Variants in RMDN2 observed in about 807,000 individuals in gnomAD.
The protein encoded by RMDN2 is regulator of microtubule dynamics 2.
A neutral mutation model predicts 52.8 loss-of-function variants in RMDN2; 61 were observed. That is an observed-to-expected ratio of 1.16 (90% CI 0.94 to 1.43). RMDN2 has a LOEUF of 1.43. RMDN2 is among the 40% of genes most tolerant of loss of function. RMDN2 has a pLI of 0.00. For synonymous variants in RMDN2, 180 were observed against 153.1 expected (o/e 1.18, Z -1.30); for missense variants, 592 against 475.3 (o/e 1.25, Z -2.28).
intron 7 of RMDN2, among the ~76,000 whole-genome samples, chr2:37,995,108 G>A (rs1240280194): frequency 6.6e-6 from 1 of 152,074 alleles, no homozygotes; most frequent in Non-Finnish European, 1.5e-5. Flanking sequence ...TCGCTGAACT[G>A]TACACTTGTA....
intron 10 of RMDN2, among the ~76,000 whole-genome samples, chr2:38,063,197 A>T (rs2125310137): frequency 1.3e-5 from 2 of 152,350 alleles, no homozygotes; most frequent in East Asian, 1.9e-4. Flanking sequence ...CGCCACACTG[A>T]CTTCTACAAC....
At chr2:37,964,055 G>A (rs1225223898) in intron 2 of RMDN2, among the ~76,000 whole-genome samples, 15 of 150,672 alleles carry the variant, frequency 1.0e-4, no homozygotes, top group East Asian at 5.9e-4. Context: ...CCTCCCTCCC[G>A]GACGTGGCGG....
In RMDN2 at chr2:37,959,718, T is replaced by A. The variant is rs555179975; in HGVS notation, c.453-14322T>A. ...TTGTGAATTTGTTTGCTCTTGCTGC[T>A]CTAGTTCTTTTAATTGTGATGTTAG... On this transcript the variant is annotated intron_variant, in intron 2 of 10. Transcript: ENST00000354545. Among the ~76,000 whole-genome samples, 115 of 151,048 alleles carry A rather than the reference T, an allele frequency of 7.6e-4. 6 individuals carry two copies. The highest frequency in any genetic ancestry group is 2.7e-3 in the African/African-American group (107 of 40,330).
chr2:37,993,533 CAAT>C (rs1433331645), intron 7 of RMDN2, among the ~76,000 whole-genome samples: 1 of 150,254 alleles, frequency 6.7e-6, no homozygotes, highest in African/African-American at 2.5e-5. Flanking sequence ...AAAAAAATAA[CAAT>C]AAGGGGAACA....
At chr2:37,964,460 T>G (rs543320431) in intron 2 of RMDN2, among the ~76,000 whole-genome samples, 45 of 152,368 alleles carry the variant, frequency 3.0e-4, no homozygotes, top group African/African-American at 1.1e-3. Flanking sequence ...TAAAAGTATG[T>G]TTTTTAATTC....
intron 2 of RMDN2, 116 bp from the exon 3 acceptor site, chr2:37,973,924 G>A (rs549197139): frequency 1.3e-6 from 1 of 762,766 alleles, no homozygotes; most frequent in East Asian, 2.8e-5. Flanking sequence ...GAAAGCACGT[G>A]CCACTGCAGA....
In RMDN2 at chr2:38,032,621, C is replaced by T. The variant is rs112095665; in HGVS notation, c.1713+28405C>T. 2.6e-3 allele frequency among the ~76,000 whole-genome samples: 400 copies of T among 152,306 alleles called. 1 individual carries two copies. The highest frequency in any genetic ancestry group is 9.8e-3 in the East Asian group (51 of 5,188). On this transcript the variant is annotated intron_variant, in intron 10 of 10. Transcript: ENST00000234195. ...TTGGGAGGCCGAGGCAGGCGGATCA[C>T]CTGACATCAGGAGTTCAAGACCAGC...
chr2:37,989,404 G>A, intron 5 of RMDN2, 137 bp from the exon 6 acceptor site: 1 of 619,378 alleles, frequency 1.6e-6, no homozygotes, highest in Non-Finnish European at 2.9e-6. Context: ...TTATTGTTAG[G>A]GCCCTTATAT....
chr2:37,924,774 A>C (rs926209336), upstream of RMDN2, among the ~76,000 whole-genome samples: 4 of 152,234 alleles, frequency 2.6e-5, no homozygotes, highest in Non-Finnish European at 4.4e-5. Context: ...CTTTCATCTA[A>C]AGGCAACTCG....
At chr2:37,941,847 C>T (rs565998148) in intron 2 of RMDN2, among the ~76,000 whole-genome samples, 16 of 151,934 alleles carry the variant, frequency 1.1e-4, no homozygotes, top group African/African-American at 2.9e-4. Context: ...GGGTGGGATC[C>T]GCTGAGCTAG....
At chr2:37,940,196 G>T (rs1341567597) in intron 2 of RMDN2, among the ~76,000 whole-genome samples, 1 of 152,188 alleles carries the variant, frequency 6.6e-6, no homozygotes, top group Non-Finnish European at 1.5e-5. Flanking sequence ...CTTTAAGAAT[G>T]TTAAATATTT....
Position 37,967,885 on chromosome 2 carries a change from C to A in RMDN2, c.453-6155C>A, listed in dbSNP as rs147918802. Among the ~76,000 whole-genome samples the A allele has an allele frequency of 6.6e-4, 100 of 152,296 alleles. No homozygotes were observed. In the Middle Eastern group the frequency reaches 0.01, roughly 16 times the overall value. ...GACAACATTGATATGGTTCAATTCCCAGGACCCTCAGTTCTTTAGAGATGG... is the reference window on the plus strand; with the variant it reads ...GACAACATTGATATGGTTCAATTCCAAGGACCCTCAGTTCTTTAGAGATGG... On this transcript the variant is annotated intron_variant, in intron 2 of 10. Transcript: ENST00000354545.
At chr2:37,991,924 T>C (rs1274466637) in intron 7 of RMDN2, among the ~76,000 whole-genome samples, 1 of 152,224 alleles carries the variant, frequency 6.6e-6, no homozygotes, top group East Asian at 1.9e-4. Flanking sequence ...CTTAAGAATA[T>C]GTGAAAAAAA....
At chr2:38,055,985 C>G (rs1317175416) in intron 10 of RMDN2, among the ~76,000 whole-genome samples, 1 of 152,182 alleles carries the variant, frequency 6.6e-6, no homozygotes, top group Admixed American at 6.5e-5. Context: ...ACCTGCCACA[C>G]TCCCTCACCC....
chr2:38,037,339 T>C (rs1375888051), intron 10 of RMDN2, among the ~76,000 whole-genome samples: 1 of 152,212 alleles, frequency 6.6e-6, no homozygotes, highest in Non-Finnish European at 1.5e-5. Flanking sequence ...CTTTTCCAAG[T>C]TGCTCTTTAT....
intron 10 of RMDN2, among the ~76,000 whole-genome samples, chr2:38,040,990 T>C (rs1005144379): frequency 2.6e-5 from 4 of 152,234 alleles, no homozygotes; most frequent in South Asian, 2.1e-4. Context: ...AATGCTATTG[T>C]GTTTTTAATT....
At chr2:37,938,954 C>T (rs1207341171) in intron 2 of RMDN2, among the ~76,000 whole-genome samples, 1 of 152,116 alleles carries the variant, frequency 6.6e-6, no homozygotes. Context: ...AATTTGTTTG[C>T]TCTTGCTGCA....
chr2:38,015,768 A>G (rs1209383195), intron 10 of RMDN2, among the ~76,000 whole-genome samples: 2 of 152,202 alleles, frequency 1.3e-5, no homozygotes, highest in South Asian at 2.1e-4. Context: ...ATCTACAGGA[A>G]GGAGCGATCT....
intron 7 of RMDN2, among the ~76,000 whole-genome samples, chr2:37,994,278 A>T (rs963648636): frequency 6.6e-6 from 1 of 152,236 alleles, no homozygotes; most frequent in African/African-American, 2.4e-5. Flanking sequence ...AGGAATTGGC[A>T]TCGGATAGAT....
Sources: allele counts gnomAD v4.1 joint callset (sites outside exome capture counted in the v4.1 genomes callset), GRCh38; gene constraint gnomAD v4.1.1; transcripts MANE v1.5; gene names NCBI Gene and HGNC (gene_info 2026-07-23, HGNC 2026-07-21).